HRNR: variants seen among roughly 807,000 people sequenced by gnomAD.
HRNR encodes the protein hornerin, also known as filaggrin family member 3.
Under a neutral mutation model 4.8 loss-of-function variants are expected in HRNR, and 7 were observed. That is an observed-to-expected ratio of 1.47 (90% confidence interval 0.83 to 2.75). The LOEUF is 2.75. Ranked by LOEUF, HRNR falls within the 30% of genes most tolerant of loss-of-function variation. The pLI is 0.00. For synonymous variants in HRNR, 1,023 were observed against 1,242.7 expected (o/e 0.82, Z 3.72); for missense variants, 2,879 against 3,010.4 (o/e 0.96, Z 1.02).
In HRNR at chr1:152,221,343, C is replaced by G; in HGVS notation, c.286G>C (p.Val96Leu). The G allele has an allele frequency of 6.2e-7, 1 of 1,613,982 alleles. No homozygotes were observed. ...TCATCTCTCAGCTTTGACCCTGAAA[C>G]TTGGCAGTAATCTTTGCCAATGATT... is the stretch of plus-strand genomic sequence containing the variant. ...NKIIGKDYCQ[V>L]SGSKLRDDTH... The change falls in exon 3 of 3, where the codon GTT becomes CTT. Residue 96 changes from valine to leucine, a missense_variant. By Grantham distance (32) the Val-to-Leu change is conservative (BLOSUM62 1). Around this residue, in one of 8 missense-constraint regions of HRNR, gnomAD observed 2,646 missense variants for 1,377.7 expected, o/e 1.92. Coordinates refer to ENST00000368801, the MANE Select transcript of HRNR (RefSeq NM_001009931.3).
In HRNR at chr1:152,220,113, G is replaced by A. The variant is rs115929005; in HGVS notation, c.1516C>T (p.Arg506Ter). The A allele has an allele frequency of 9.1e-5, 147 of 1,613,264 alleles. No individual in the cohort carries two copies. The South Asian group carries it at 1.2e-3, about 13-fold the overall frequency. ...SRSGQSSRGERQGSSAGSSSS... is the reference protein window; with the variant it reads ...SRSGQSSRGE ...GATGAACCTGCACTAGATCCTTGTC[G>A]TTCACCCCTAGATGACTGTCCTGAC... The change falls in exon 3 of 3, where the codon CGA becomes TGA. Residue 506 changes from arginine (R) to a stop codon, truncating the protein, a stop_gained. Transcript: ENST00000368801. LOFTEE classifies it low-confidence loss of function (END_TRUNC).
Position 152,220,653 on chromosome 1 carries a change from C to T in HRNR, c.976G>A (p.Gly326Arg), listed in dbSNP as rs747884891. 2.6e-5 allele frequency: 42 copies of T among 1,612,004 alleles called. No individual in the cohort carries two copies. The highest frequency in any genetic ancestry group is 8.3e-5 in the Admixed American group (5 of 59,916). The change falls in exon 3 of 3, where the codon GGG (glycine) becomes AGG (arginine). Residue 326 changes from glycine to arginine, a missense_variant. Physicochemically the swap from Gly to Arg is moderately radical, Grantham distance 125. Around this residue, in one of 8 missense-constraint regions of HRNR, gnomAD observed 2,646 missense variants for 1,377.7 expected, o/e 1.92. Coordinates refer to ENST00000368801, the MANE Select transcript of HRNR (RefSeq NM_001009931.3). ...SGHSSSHGQH[G>R]SGSSYSYSRG... ...CTGTAAGAGTAACTTGAGCCAGACC[C>T]GTGTTGGCCGTGGCTGGAGGAGTGC...
chr1:152,219,136 A>G lies in HRNR; in HGVS notation c.2493T>C (p.His831=), dbSNP rs757559221. The G allele has an allele frequency of 1.7e-5, 28 of 1,613,742 alleles. No homozygotes were observed. The highest frequency in any genetic ancestry group is 1.7e-4 in the Middle Eastern group (1 of 6,054). The change falls in exon 3 of 3, where the codon CAT becomes CAC. Residue 831 remains histidine, a synonymous_variant. Transcript: ENST00000368801. ...ESGSGQGYSQ[H]GSASGHFSSQ... is the part of the protein sequence containing the mutation. ...TAGAGAAGTGACCTGAGGCAGAACC[A>G]TGCTGACTATAGCCCTGTCCTGAGC... is the stretch of plus-strand genomic sequence containing the variant.
chr1:152,220,065 A>T lies in HRNR; in HGVS notation c.1564T>A (p.Ser522Thr), dbSNP rs1648894031. The T allele has an allele frequency of 1.9e-6, 3 of 1,613,956 alleles. No homozygotes were observed. Among genetic ancestry groups the T allele is most frequent in the Middle Eastern group, 1.6e-4 (1 of 6,062 alleles). Reference protein sequence around the residue: ...GSSSSYGQHGSGSRQSLGHSR... With the variant: ...GSSSSYGQHGTGSRQSLGHSR... The stretch of plus-strand genomic sequence containing the variant: ...TGTCCCAAAGATTGACGGGAGCCAG[A>T]CCCATGCTGACCATAGCTGGAAGAT... Residue 522 changes from serine to threonine, a missense_variant, in exon 3 of 3, where the codon TCT becomes ACT. Around this residue, in one of 8 missense-constraint regions of HRNR, gnomAD observed 2,646 missense variants for 1,377.7 expected, o/e 1.92. Transcript: ENST00000368801.
chr1:152,220,054 A>G lies in HRNR; in HGVS notation c.1575T>C (p.Arg525=), dbSNP rs200142061. Residue 525 remains arginine, a synonymous_variant, in exon 3 of 3, where the codon CGT becomes CGC. Transcript: ENST00000368801. ...CATGTCGGCTGTGTCCCAAAGATTGACGGGAGCCAGACCCATGCTGACCAT... is the reference window on the plus strand; with the variant it reads ...CATGTCGGCTGTGTCCCAAAGATTGGCGGGAGCCAGACCCATGCTGACCAT... ...SSYGQHGSGS[R]QSLGHSRHGS... is the part of the protein sequence containing the mutation. The G allele has an allele frequency of 1.2e-6, 2 of 1,613,840 alleles. No homozygotes were observed. The highest frequency in any genetic ancestry group is 1.7e-6 in the Non-Finnish European group (2 of 1,179,918).
rs752797057 is a variant in HRNR, at chr1:152,221,036, C to T, written c.593G>A (p.Gly198Glu). 1.2e-6 allele frequency: 2 copies of T among 1,613,468 alleles called. No homozygotes were observed. The highest frequency in any genetic ancestry group is 2.2e-5 in the East Asian group (1 of 44,836). Residue 198 changes from glycine (G) to glutamate (E), a missense_variant, in exon 3 of 3, where the codon GGG becomes GAG. Physicochemically the swap from Gly to Glu is moderately conservative, Grantham distance 98. Transcript: ENST00000368801. ...GCCATAGTTGGGAGACTGCCCTGAC[C>T]CAGACCCACATTGGCCGCGGCCTGA... ...QSSGRGQCGS[G>E]SGQSPNYGQH... is the part of the protein sequence containing the mutation.
chr1:152,219,910 T>G lies in HRNR; in HGVS notation c.1719A>C (p.Pro573=), dbSNP rs2101595110. 6.2e-7 allele frequency: 1 copy of G among 1,613,390 alleles called. No individual in the cohort carries two copies. The highest frequency in any genetic ancestry group is 8.5e-7 in the Non-Finnish European group (1 of 1,179,846). Residue 573 remains proline, a synonymous_variant, in exon 3 of 3, where the codon CCA becomes CCC. Transcript: ENST00000368801. ...YGSGRSSSRG[P]YESGSGHSSG... ...AAGAGTGACCGGAGCCAGACTCATA[T>G]GGGCCACGGCTTGAAGACCTCCCTG...
rs181515903 is a variant in HRNR at position 152,212,732 on chromosome 1, G to A, written c.*344C>T. ...TCTAAGAAATGTAAGGTTAGCTTTG[G>A]CACCATCTATAAATGAATGATGAGC... On this transcript the variant is annotated 3_prime_UTR_variant, in exon 3 of 3. Coordinates refer to ENST00000368801, the MANE Select transcript of HRNR (RefSeq NM_001009931.3). The A allele has an allele frequency of 4.5e-5, 14 of 310,700 alleles. No homozygotes were observed. In the Admixed American group the frequency reaches 5.8e-4, roughly 13 times the overall value. 19.2% of individuals were successfully genotyped at this position (310,700 alleles called of 1,614,324 possible). A position where few individuals can be genotyped will look rare whatever the true frequency, so the allele number is the denominator to read the frequency against.
intron 2 of HRNR, 92 bp downstream of exon 2, chr1:152,223,024 T>A: frequency 7.7e-7 from 1 of 1,302,308 alleles, no homozygotes. Flanking sequence ...GTAAGGACAA[T>A]CCTCTAGGAT....
Position 152,221,250 on chromosome 1 carries a change from AAG to A in HRNR, c.377_378del (p.Ser126PhefsTer2). The part of the protein sequence containing the change: ...EKEENKRQES[S>X]FSHSSWSAGE... The stretch of plus-strand genomic sequence containing the variant: ...CCTGCACTCCAACTTGAATGACTAA[AAG>A]AGGATTCTTGCCGTTTGTTCTCCTC... On this transcript the variant is annotated frameshift_variant, in exon 3 of 3. Coordinates refer to ENST00000368801, the MANE Select transcript of HRNR (RefSeq NM_001009931.3). LOFTEE classifies it low-confidence loss of function (END_TRUNC). 6.2e-7 allele frequency: 1 copy of A among 1,614,070 alleles called. No individual in the cohort carries two copies.
rs755796416 is a variant in HRNR at position 152,219,199 on chromosome 1, G to A, written c.2430C>T (p.Gly810=). The part of the protein sequence containing the change: ...CSSSCGHYES[G]SGQASGFGQH... ...GCCCAAAACCAGAAGCCTGGCCTGA[G>A]CCAGACTCATAATGGCCACAGCTGG... Residue 810 remains glycine, a synonymous_variant, in exon 3 of 3, where the codon GGC becomes GGT. Transcript: ENST00000368801. 19 of 1,613,808 alleles carry A rather than the reference G, an allele frequency of 1.2e-5. No individual in the cohort carries two copies. In the South Asian group the frequency reaches 1.9e-4, roughly 16 times the overall value.
chr1:152,220,260 A>G lies in HRNR; in HGVS notation c.1369T>C (p.Ser457Pro), dbSNP rs747775673. 4 of 1,613,950 alleles carry G rather than the reference A, an allele frequency of 2.5e-6. No homozygotes were observed. The South Asian group carries it at 3.3e-5, about 13-fold the overall frequency. Reference protein sequence around the residue: ...GRSSSSGPYVSGSGYSSGFGH... With the variant: ...GRSSSSGPYVPGSGYSSGFGH... The stretch of plus-strand genomic sequence containing the variant: ...AAGCCAGAAGAGTAGCCTGAACCAG[A>G]CACATATGGGCCACTGCTGGAAGAT... Residue 457 changes from serine (S) to proline (P), a missense_variant, in exon 3 of 3, where the codon TCT becomes CCT. This residue lies in a region of HRNR where 2,646 missense variants were observed against 1,377.7 expected (regional missense o/e 1.92). Transcript: ENST00000368801.
chr1:152,220,811 T>G lies in HRNR; in HGVS notation c.818A>C (p.His273Pro). 1.2e-6 allele frequency: 2 copies of G among 1,613,958 alleles called. No homozygotes were observed. The highest frequency in any genetic ancestry group is 1.7e-6 in the Non-Finnish European group (2 of 1,179,970). Residue 273 changes from histidine (H) to proline (P), a missense_variant, in exon 3 of 3, where the codon CAC becomes CCC. This residue lies in a region of HRNR where 2,646 missense variants were observed against 1,377.7 expected (regional missense o/e 1.92). Coordinates refer to ENST00000368801, the MANE Select transcript of HRNR (RefSeq NM_001009931.3). The stretch of plus-strand genomic sequence containing the variant: ...GGAAGACGAACCTGAGCTAGATCTG[T>G]GTCGTTCACCCCTAGATGACTGTCC... ...RSGQSSRGER[H>P]RSSSGSSSSY...
Position 152,221,018 on chromosome 1 carries a change from T to G in HRNR, c.611A>C (p.Asn204Thr). The G allele has an allele frequency of 6.2e-7, 1 of 1,613,792 alleles. No homozygotes were observed. The change falls in exon 3 of 3, where the codon AAC becomes ACC. Residue 204 changes from asparagine to threonine, a missense_variant. Coordinates refer to ENST00000368801, the MANE Select transcript of HRNR (RefSeq NM_001009931.3). Reference sequence around the variant, plus strand: ...GGAGCCAGAGCCGTGTTGGCCATAGTTGGGAGACTGCCCTGACCCAGACCC... The same window carrying G: ...GGAGCCAGAGCCGTGTTGGCCATAGGTGGGAGACTGCCCTGACCCAGACCC... ...QCGSGSGQSP[N>T]YGQHGSGSGQ...
Position 152,212,752 on chromosome 1 carries a change from A to T in HRNR, c.*324T>A. 5 of 373,886 alleles carry T rather than the reference A, an allele frequency of 1.3e-5. No homozygotes were observed. Among genetic ancestry groups the T allele is most frequent in the Non-Finnish European group, 1.9e-5 (4 of 208,876 alleles). The allele number at this position is 373,886 out of a possible 1,614,324, so 23.2% of individuals were successfully genotyped here. On this transcript the variant is annotated 3_prime_UTR_variant, in exon 3 of 3. Coordinates refer to ENST00000368801, the MANE Select transcript of HRNR (RefSeq NM_001009931.3). ...CTTTGGCACCATCTATAAATGAATG[A>T]TGAGCTCTCAAAAAGACAACTCCAA...
chr1:152,218,758 G>A lies in HRNR; in HGVS notation c.2871C>T (p.Tyr957=), dbSNP rs144834346. The change falls in exon 3 of 3, where the codon TAC becomes TAT. Residue 957 remains tyrosine, a synonymous_variant. Transcript: ENST00000368801. ...GTCCTGACCTAGAGCCGTGTTGTTC[G>A]TAGCTGGAGGAGTGACCTGAGCCAG... ...HGSGSGHSSS[Y]EQHGSRSGQS... The A allele has an allele frequency of 1.6e-4, 254 of 1,613,782 alleles. 1 individual carries two copies. The highest frequency in any genetic ancestry group is 1.0e-3 in the African/African-American group (77 of 74,888).
Position 152,212,318 on chromosome 1 carries a change from G to A in HRNR, c.*758C>T, listed in dbSNP as rs1010786737. The A allele has an allele frequency of 3.9e-5, 6 of 151,946 alleles. No individual in the cohort carries two copies. Among genetic ancestry groups the A allele is most frequent in the Non-Finnish European group, 8.8e-5 (6 of 68,040 alleles). The allele number at this position is 151,946 out of a possible 1,614,324, so 9.4% of individuals were successfully genotyped here. Reference sequence around the variant, plus strand: ...TCAATATATTTCCCAATATTGAGCAGCCTCTTAGAAATAGGGAGCAAGATC... The same window carrying A: ...TCAATATATTTCCCAATATTGAGCAACCTCTTAGAAATAGGGAGCAAGATC... On this transcript the variant is annotated 3_prime_UTR_variant, in exon 3 of 3. Transcript: ENST00000368801.
chr1:152,221,499 G>A lies in HRNR; in HGVS notation c.139-9C>T. 3 of 1,579,252 alleles carry A rather than the reference G, an allele frequency of 1.9e-6. No homozygotes were observed. The highest frequency in any genetic ancestry group is 2.6e-6 in the Non-Finnish European group (3 of 1,161,336). On this transcript the variant is annotated splice_polypyrimidine_tract_variant and intron_variant, in intron 2 of 2. Coordinates refer to ENST00000368801, the MANE Select transcript of HRNR (RefSeq NM_001009931.3). ...TCTGGATCGTTTGGATTCTGTATAA[G>A]AGAAAGGTACAAAGAGTAGCTCTGT...
chr1:152,219,210 A>G lies in HRNR; in HGVS notation c.2419T>C (p.Tyr807His). Residue 807 changes from tyrosine to histidine, a missense_variant, in exon 3 of 3, where the codon TAT (tyrosine) becomes CAT (histidine). Coordinates refer to ENST00000368801, the MANE Select transcript of HRNR (RefSeq NM_001009931.3). ...GAAGCCTGGCCTGAGCCAGACTCAT[A>G]ATGGCCACAGCTGGAAGAACAACTT... ...GTSCSSSCGHYESGSGQASGF... is the reference protein window; with the variant it reads ...GTSCSSSCGHHESGSGQASGF... 20 of 1,613,140 alleles carry G rather than the reference A, an allele frequency of 1.2e-5. No homozygotes were observed. The highest frequency in any genetic ancestry group is 1.7e-5 in the Non-Finnish European group (20 of 1,179,760).
Sources: allele counts gnomAD v4.1 joint callset, GRCh38; gene constraint gnomAD v4.1.1; regional missense constraint gnomAD v4.1.1; transcripts MANE v1.5; gene names NCBI Gene and HGNC (gene_info 2026-07-23, HGNC 2026-07-21).